The following DCUN1D3 variants were observed in gnomAD, a reference collection of about 807,000 sequenced individuals.
DCUN1D3 encodes the protein defective in cullin neddylation 1 domain containing 3.
In DCUN1D3, 6 loss-of-function variants were observed where a neutral mutation model predicts 24.8. The ratio of observed to expected loss-of-function variants is 0.24; its 90% CI spans 0.13 to 0.48. The LOEUF (loss-of-function observed/expected upper bound fraction) is 0.48. Among genes scored for constraint, DCUN1D3 ranks in the 20% least tolerant of loss-of-function variants. The probability of loss-of-function intolerance (pLI) is 0.99; values close to 1 mark genes in which losing one functional copy is unlikely to be tolerated. For synonymous variants in DCUN1D3, 120 were observed against 144.9 expected (o/e 0.83, Z 1.24); for missense variants, 258 against 379.4 (o/e 0.68, Z 2.66).
At chr16:20,876,345 C>T (rs1203342944) in intron 1 of DCUN1D3, among the ~76,000 whole-genome samples, 1 of 149,912 alleles carries the variant, frequency 6.7e-6, no homozygotes, top group Non-Finnish European at 1.5e-5. Flanking sequence ...AGCAGGTATA[C>T]GAAAAAATGC....
At chr16:20,890,403 G>A (rs1206941385) in intron 1 of DCUN1D3, among the ~76,000 whole-genome samples, 1 of 152,078 alleles carries the variant, frequency 6.6e-6, no homozygotes, top group East Asian at 1.9e-4. Flanking sequence ...CAAGGCAAGA[G>A]GATCGCTTGA....
rs542388273 is a variant in DCUN1D3 at position 20,855,391 on chromosome 16, G to A, written c.*4495C>T. 1 of 152,352 alleles carries A rather than the reference G, an allele frequency of 6.6e-6. No homozygotes were observed. Among genetic ancestry groups the A allele is most frequent in the South Asian group, 2.1e-4 (1 of 4,824 alleles). The allele number at this position is 152,352 out of a possible 1,614,324, so 9.4% of individuals were successfully genotyped here. On this transcript the variant is annotated 3_prime_UTR_variant, in exon 3 of 3. Coordinates refer to ENST00000324344, the MANE Select transcript of DCUN1D3 (RefSeq NM_173475.4). Reference sequence around the variant, plus strand: ...CAGAGCAAATGTATGCATGTCAGGGGGATGAAAAACCCCAGCAGCTGCTGA... The same window carrying A: ...CAGAGCAAATGTATGCATGTCAGGGAGATGAAAAACCCCAGCAGCTGCTGA...
chr16:20,882,223 C>T (rs1365225842), intron 1 of DCUN1D3, among the ~76,000 whole-genome samples: 1 of 151,810 alleles, frequency 6.6e-6, no homozygotes, highest in African/African-American at 2.4e-5. Context: ...GCCTCTCTGC[C>T]CCTGAGCACC....
chr16:20,871,935 G>A (rs919526218), intron 1 of DCUN1D3, among the ~76,000 whole-genome samples: 1 of 152,164 alleles, frequency 6.6e-6, no homozygotes, highest in African/African-American at 2.4e-5. Context: ...AAGCCATCCT[G>A]GATTTGTACT....
Position 20,858,970 on chromosome 16 carries a change from C to CA in DCUN1D3, c.*915dup, listed in dbSNP as rs2081715606. The CA allele has an allele frequency of 1.4e-5, 2 of 143,294 alleles. No homozygotes were observed. Among genetic ancestry groups the CA allele is most frequent in the African/African-American group, 5.2e-5 (2 of 38,454 alleles). 8.9% of individuals were successfully genotyped at this position (143,294 alleles called of 1,614,324 possible). ...CTCCAAGGCAAATGAAACAAACAAACAAAAAAAAGTATTTCCACTTACAAC... is the reference window on the plus strand; with the variant it reads ...CTCCAAGGCAAATGAAACAAACAAACAAAAAAAAAGTATTTCCACTTACAAC... On this transcript the variant is annotated 3_prime_UTR_variant, in exon 3 of 3. Coordinates refer to ENST00000324344, the MANE Select transcript of DCUN1D3 (RefSeq NM_173475.4).
At chr16:20,898,615 T>C (rs1261880412) in intron 1 of DCUN1D3, among the ~76,000 whole-genome samples, 1 of 152,220 alleles carries the variant, frequency 6.6e-6, no homozygotes, top group Non-Finnish European at 1.5e-5. Context: ...TAATCAAGCA[T>C]TAAATATTCT....
Position 20,862,538 on chromosome 16 carries a change from T to TG in DCUN1D3, c.-1dup, listed in dbSNP as rs745590038. ...TTACACTTGGTGACACACTGGCCCA[T>TG]GGTGCTGGTGGCCTGGCCTCTAGAG... On this transcript the variant is annotated 5_prime_UTR_variant, in exon 2 of 3. Transcript: ENST00000324344. The TG allele has an allele frequency of 1.3e-6, 2 of 1,598,768 alleles. No homozygotes were observed. Among genetic ancestry groups the TG allele is most frequent in the East Asian group, 4.5e-5 (2 of 44,866 alleles).
In DCUN1D3 at chr16:20,891,144, C is replaced by T. The variant is rs577161415; in HGVS notation, c.-106+9060G>A. On this transcript the variant is annotated intron_variant, in intron 1 of 2. Transcript: ENST00000324344. ...GAATAGCTACGATTACAGGCGCCTG[C>T]CACCATGCCCGGCTAATTTTTGTAT... Among the ~76,000 whole-genome samples, 24 of 152,140 alleles carry T rather than the reference C, an allele frequency of 1.6e-4. No individual in the cohort carries two copies. In the South Asian group the frequency reaches 5.0e-3, roughly 32 times the overall value.
At chr16:20,895,969 T>C (rs957865811) in intron 1 of DCUN1D3, among the ~76,000 whole-genome samples, 1 of 152,236 alleles carries the variant, frequency 6.6e-6, no homozygotes, top group Non-Finnish European at 1.5e-5. Context: ...AGTCCCAGAC[T>C]ACTTCAAGTA....
intron 1 of DCUN1D3, among the ~76,000 whole-genome samples, chr16:20,870,609 G>T (rs1418593651): frequency 1.3e-5 from 2 of 152,188 alleles, no homozygotes; most frequent in African/African-American, 4.8e-5. Flanking sequence ...CCAAAAGTCA[G>T]TGTCAGCAAA....
chr16:20,891,408 C>A (rs1009116348), intron 1 of DCUN1D3, among the ~76,000 whole-genome samples: 3 of 152,194 alleles, frequency 2.0e-5, no homozygotes, highest in African/African-American at 7.2e-5. Context: ...ATGTCAAGAG[C>A]CACTATCCAG....
chr16:20,860,586 T>C lies in DCUN1D3; in HGVS notation c.432-217A>G, dbSNP rs973244029. On this transcript the variant is annotated intron_variant, in intron 2 of 2. Transcript: ENST00000324344. The surrounding 1 kb of genome is among the most constrained non-coding windows in gnomAD (Gnocchi z 4.3). ...AGGACTAAACAAATTACTATTCTGCTTCTAACAGTGCCTGGCACACGGTTG... is the reference window on the plus strand; with the variant it reads ...AGGACTAAACAAATTACTATTCTGCCTCTAACAGTGCCTGGCACACGGTTG... Among the ~76,000 whole-genome samples, 3 of 152,236 alleles carry C rather than the reference T, an allele frequency of 2.0e-5. No homozygotes were observed. Among genetic ancestry groups the C allele is most frequent in the African/African-American group, 4.8e-5 (2 of 41,458 alleles).
rs899962917 is a variant in DCUN1D3, at chr16:20,859,033, T to C, written c.*853A>G. On this transcript the variant is annotated 3_prime_UTR_variant, in exon 3 of 3. Coordinates refer to ENST00000324344, the MANE Select transcript of DCUN1D3 (RefSeq NM_173475.4). ...AAACTTCATCAAAGAAAGAAAACTA[T>C]CAAAGAAGTCTACTTCCAGCAAAAC... The C allele has an allele frequency of 2.6e-5, 4 of 151,968 alleles. No individual in the cohort carries two copies. Among genetic ancestry groups the C allele is most frequent in the Admixed American group, 2.0e-4 (3 of 15,194 alleles). 9.4% of individuals were successfully genotyped at this position (151,968 alleles called of 1,614,324 possible).
At chr16:20,862,729 C>A (rs1005356267) in intron 1 of DCUN1D3, 86 bp from the exon 2 acceptor site, 1 of 1,276,142 alleles carries the variant, frequency 7.8e-7, no homozygotes, top group African/African-American at 1.5e-5. Context: ...TGGTTCACCG[C>A]TCTATTTCCA....
chr16:20,859,842 A>C lies in DCUN1D3; in HGVS notation c.*44T>G, dbSNP rs2081722514. The C allele has an allele frequency of 6.5e-7, 1 of 1,538,920 alleles. No homozygotes were observed. Among genetic ancestry groups the C allele is most frequent in the Non-Finnish European group, 8.7e-7 (1 of 1,143,300 alleles). On this transcript the variant is annotated 3_prime_UTR_variant, in exon 3 of 3. Transcript: ENST00000324344. ...ATGGTCCAATTCCTCAGTTGGCTGCAGGGCAGCTGGCAGATCCTTGCTGCT... is the reference window on the plus strand; with the variant it reads ...ATGGTCCAATTCCTCAGTTGGCTGCCGGGCAGCTGGCAGATCCTTGCTGCT...
At chr16:20,876,433 GA>G (rs35457469) in intron 1 of DCUN1D3, among the ~76,000 whole-genome samples, 77,718 of 140,078 alleles carry the variant, frequency 0.55, 21,045 homozygotes, top group Middle Eastern at 0.62. Context: ...AAATGGTTAT[GA>G]AAAAAAAAAA....
At chr16:20,867,730 A>C (rs1035577026) in intron 1 of DCUN1D3, among the ~76,000 whole-genome samples, 3 of 152,206 alleles carry the variant, frequency 2.0e-5, no homozygotes, top group African/African-American at 7.2e-5. Context: ...GCCTGTTGGA[A>C]GCCCCAACTT....
At chr16:20,884,751 T>C (rs1366493352) in intron 1 of DCUN1D3, among the ~76,000 whole-genome samples, 2 of 152,090 alleles carry the variant, frequency 1.3e-5, no homozygotes, top group Non-Finnish European at 2.9e-5. Flanking sequence ...TTACAAAGTA[T>C]GAGGAATTGA....
intron 1 of DCUN1D3, among the ~76,000 whole-genome samples, chr16:20,891,214 G>A (rs961138819): frequency 1.3e-5 from 2 of 151,950 alleles, no homozygotes; most frequent in African/African-American, 2.4e-5. Flanking sequence ...GGCTAGTCTT[G>A]AACTCCTGAC....
Sources: allele counts gnomAD v4.1 joint callset (sites outside exome capture counted in the v4.1 genomes callset), GRCh38; gene constraint gnomAD v4.1.1; non-coding constraint Gnocchi (gnomAD v3.1); transcripts MANE v1.5; gene names NCBI Gene and HGNC (gene_info 2026-07-23, HGNC 2026-07-21).